Variants in MALRD1 observed in about 807,000 individuals in gnomAD.
The protein encoded by MALRD1 is MAM and LDL receptor class A domain containing 1.
In MALRD1, 247 loss-of-function variants were observed where a neutral mutation model predicts 242.1. The ratio of observed to expected loss-of-function variants is 1.02; its 90% CI spans 0.92 to 1.13. MALRD1 has a LOEUF of 1.13. Among genes scored for constraint, MALRD1 ranks in the 50% most tolerant of loss-of-function variants. The probability of loss-of-function intolerance (pLI) is 0.00; values close to 1 mark genes in which losing one functional copy is unlikely to be tolerated. For synonymous variants in MALRD1, 995 were observed against 866.6 expected, an observed-to-expected ratio of 1.15 and a Z score of -2.60; for missense variants, 2,989 against 2,533.1, an observed-to-expected ratio of 1.18 and a Z score of -3.86.
At chr10:19,311,255 T>A (rs1189792094) in intron 21 of MALRD1, among the ~76,000 whole-genome samples, 1 of 151,404 alleles carries the variant, frequency 6.6e-6, no homozygotes. Context: ...TTATTAACCT[T>A]GGTTATATTT....
chr10:19,619,698 TCATTG>T (rs1344915234), intron 36 of MALRD1, among the ~76,000 whole-genome samples: 1 of 152,086 alleles, frequency 6.6e-6, no homozygotes, highest in Non-Finnish European at 1.5e-5. Flanking sequence ...TATACTGACA[TCATTG>T]CATTGCAAGT....
At chr10:19,281,198 G>C (rs1322403532) in intron 20 of MALRD1, among the ~76,000 whole-genome samples, 2 of 151,970 alleles carry the variant, frequency 1.3e-5, no homozygotes, top group Non-Finnish European at 2.9e-5. Flanking sequence ...AGATGAGACA[G>C]TAATTAACTC....
At chr10:19,383,981 T>C (rs926233531) in intron 26 of MALRD1, among the ~76,000 whole-genome samples, 1 of 151,742 alleles carries the variant, frequency 6.6e-6, no homozygotes, top group East Asian at 1.9e-4. Context: ...TTAGACCAAA[T>C]GGTAAAAGAA....
intron 35 of MALRD1, among the ~76,000 whole-genome samples, chr10:19,614,248 T>C (rs1839033919): frequency 6.6e-6 from 1 of 152,000 alleles, no homozygotes; most frequent in Non-Finnish European, 1.5e-5. Context: ...AGCTAATAAA[T>C]TGAGCTGAGA....
chr10:19,230,043 A>C, intron 18 of MALRD1, among the ~76,000 whole-genome samples: 1 of 152,132 alleles, frequency 6.6e-6, no homozygotes, highest in Non-Finnish European at 1.5e-5. Context: ...TGATGGTTTT[A>C]TAAGGCGAAA....
At chr10:19,486,514 T>A (rs530997926) in intron 29 of MALRD1, among the ~76,000 whole-genome samples, 1 of 152,286 alleles carries the variant, frequency 6.6e-6, no homozygotes, top group Admixed American at 6.5e-5. Flanking sequence ...CCTAATTGTT[T>A]CTTTTCAGTT....
chr10:19,543,392 T>C lies in MALRD1; in HGVS notation c.5478+12041T>C, dbSNP rs147124368. ...AATTCTCTGGCCTCAGCCTCTCAAG[T>C]AGCTGGGACTACAGATGTAAAAATC... On this transcript the variant is annotated intron_variant, in intron 32 of 39. Coordinates refer to ENST00000454679, the MANE Select transcript of MALRD1 (RefSeq NM_001142308.3). Among the ~76,000 whole-genome samples the C allele has an allele frequency of 2.1e-3, 304 of 147,654 alleles. 1 individual carries two copies. Among genetic ancestry groups the C allele is most frequent in the African/African-American group, 5.7e-3 (231 of 40,606 alleles).
At chr10:19,716,016 G>A (rs968928019) in intron 38 of MALRD1, among the ~76,000 whole-genome samples, 1 of 151,624 alleles carries the variant, frequency 6.6e-6, no homozygotes, top group African/African-American at 2.4e-5. Context: ...CAACATTGGA[G>A]GTCACATTTC....
At chr10:19,688,655 C>G (rs1341946933) in intron 36 of MALRD1, among the ~76,000 whole-genome samples, 2 of 152,192 alleles carry the variant, frequency 1.3e-5, no homozygotes, top group Non-Finnish European at 2.9e-5. Context: ...GTTTTCGCTT[C>G]CAGCCCACAG....
chr10:19,145,532 G>A (rs977449300), intron 10 of MALRD1, among the ~76,000 whole-genome samples: 4 of 151,810 alleles, frequency 2.6e-5, no homozygotes, highest in African/African-American at 9.7e-5. Flanking sequence ...TGTAATCCCA[G>A]CTATTTGGGA....
intron 31 of MALRD1, among the ~76,000 whole-genome samples, chr10:19,515,150 C>T (rs1270027865): frequency 6.6e-6 from 1 of 151,710 alleles, no homozygotes; most frequent in Non-Finnish European, 1.5e-5. Context: ...CTTTTCTTAC[C>T]AAAAGCATAG....
intron 33 of MALRD1, among the ~76,000 whole-genome samples, chr10:19,570,003 A>G (rs1426529761): frequency 6.6e-6 from 1 of 151,924 alleles, no homozygotes; most frequent in Non-Finnish European, 1.5e-5. Context: ...ATGAAAACTG[A>G]TTGTGTGAAC....
chr10:19,628,437 C>CT, intron 36 of MALRD1, among the ~76,000 whole-genome samples: 1 of 152,074 alleles, frequency 6.6e-6, no homozygotes, highest in East Asian at 1.9e-4. Flanking sequence ...GTATGTAACA[C>CT]TTTTTTAAAA....
At chr10:19,213,654 G>A (rs138994309) in intron 18 of MALRD1, among the ~76,000 whole-genome samples, 3 of 152,276 alleles carry the variant, frequency 2.0e-5, no homozygotes, top group African/African-American at 4.8e-5. Flanking sequence ...TTCTGACTGA[G>A]TGATTTTTCT....
chr10:19,541,200 T>C (rs1020173177), intron 32 of MALRD1, among the ~76,000 whole-genome samples: 1 of 152,252 alleles, frequency 6.6e-6, no homozygotes, highest in Non-Finnish European at 1.5e-5. Context: ...CTTTCATTTC[T>C]GTTTATGCTG....
At chr10:19,491,680 C>G in intron 30 of MALRD1, 35 bp downstream of exon 30, 8 of 1,536,858 alleles carry the variant, frequency 5.2e-6, no homozygotes, top group Non-Finnish European at 7.0e-6. Context: ...GCAGCCAGTT[C>G]AGCAGATATT....
chr10:19,578,270 G>A (rs1467210198), intron 33 of MALRD1, among the ~76,000 whole-genome samples: 1 of 152,150 alleles, frequency 6.6e-6, no homozygotes. Flanking sequence ...GTTGCTATTT[G>A]TAGAAATAGC....
chr10:19,716,470 G>A (rs1834394764), intron 38 of MALRD1, among the ~76,000 whole-genome samples: 2 of 152,250 alleles, frequency 1.3e-5, no homozygotes, highest in South Asian at 4.1e-4. Flanking sequence ...CCACCTGACT[G>A]TATATTTCCT....
chr10:19,180,643 C>G (rs980691436), intron 14 of MALRD1, among the ~76,000 whole-genome samples: 1 of 152,164 alleles, frequency 6.6e-6, no homozygotes, highest in Non-Finnish European at 1.5e-5. Flanking sequence ...GGGAAAAACT[C>G]CTTGACATTA....
Sources: gnomAD v4.1 joint callset for allele counts (sites outside exome capture counted in the v4.1 genomes callset) on GRCh38, gnomAD v4.1.1 for gene constraint, MANE v1.5 for transcripts, NCBI Gene and HGNC (gene_info 2026-07-23, HGNC 2026-07-21) for gene names.